Variants in YEATS2 observed in about 807,000 individuals in gnomAD.
YEATS2 encodes the protein YEATS domain-containing protein 2.
A neutral mutation model predicts 163.2 loss-of-function variants in YEATS2; 77 were observed. That is an observed-to-expected ratio of 0.47 (90% CI 0.39 to 0.57). The LOEUF (loss-of-function observed/expected upper bound fraction) is 0.57. YEATS2 is among the 20% of genes least tolerant of loss of function. The pLI is 0.00. For missense variants in YEATS2, 1,549 were observed against 1,729.8 expected, an observed-to-expected ratio of 0.90 and a Z score of 1.85; for synonymous variants, 631 against 645.1, an observed-to-expected ratio of 0.98 and a Z score of 0.33.
At position 183,811,222 on chromosome 3, in the gene YEATS2, T is replaced by C. The variant is rs968914383; in HGVS notation, c.*639T>C. ...ATTACTAGAACCATTGTCAAAGCAG[T>C]GGCAAGGGACGGAGAGGTCCCAACA... On this transcript the variant is annotated 3_prime_UTR_variant, in exon 31 of 31. Coordinates refer to ENST00000305135, the MANE Select transcript of YEATS2 (RefSeq NM_018023.5). The C allele has an allele frequency of 3.3e-5, 5 of 153,104 alleles. No individual in the cohort carries two copies. The highest frequency in any genetic ancestry group is 7.2e-5 in the African/African-American group (3 of 41,580). 9.5% of individuals were successfully genotyped at this position (153,104 alleles called of 1,614,324 possible).
chr3:183,792,579 A>T (rs1024072939), intron 21 of YEATS2, among the ~76,000 whole-genome samples: 1 of 152,096 alleles, frequency 6.6e-6, no homozygotes, highest in African/African-American at 2.4e-5. Context: ...GTGCAGTGGC[A>T]TGATCTCGGC....
chr3:183,805,721 T>G (rs1726123085), intron 27 of YEATS2, among the ~76,000 whole-genome samples: 1 of 151,524 alleles, frequency 6.6e-6, no homozygotes, highest in East Asian at 1.9e-4. Flanking sequence ...CCCAAGAAGT[T>G]GAGGCTGCAG....
At chr3:183,750,832 A>G (rs753453857) in intron 9 of YEATS2, among the ~76,000 whole-genome samples, 3 of 152,194 alleles carry the variant, frequency 2.0e-5, no homozygotes, top group South Asian at 2.1e-4. Flanking sequence ...TTATTCATAT[A>G]TTCTGGATAG....
intron 19 of YEATS2, among the ~76,000 whole-genome samples, chr3:183,778,640 T>G (rs77834251): frequency 0.04 from 6,057 of 151,912 alleles, 312 homozygotes; most frequent in East Asian, 0.14. Flanking sequence ...ACAGGCGTGA[T>G]CCGCTCCTGG....
At chr3:183,795,980 GTTTTTTTTTT>G (rs11287278) in intron 21 of YEATS2, among the ~76,000 whole-genome samples, 1 of 80,436 alleles carries the variant, frequency 1.2e-5, no homozygotes, top group Non-Finnish European at 2.5e-5. Context: ...TTGATGCTGG[GTTTTTTTTTT>G]TTTTTTTTTG....
chr3:183,750,179 C>G (rs1164788264), intron 9 of YEATS2, among the ~76,000 whole-genome samples: 1 of 152,068 alleles, frequency 6.6e-6, no homozygotes, highest in Non-Finnish European at 1.5e-5. Context: ...GGCTTGTCTT[C>G]AACTCCTGGG....
intron 21 of YEATS2, among the ~76,000 whole-genome samples, chr3:183,794,430 G>A (rs1349689258): frequency 6.6e-6 from 1 of 152,204 alleles, no homozygotes; most frequent in Non-Finnish European, 1.5e-5. Flanking sequence ...TTTTCAAAAT[G>A]CAAGAACATT....
At position 183,786,249 on chromosome 3, in the gene YEATS2, C is replaced by T. The variant is rs1000614062; in HGVS notation, c.2861C>T (p.Thr954Ile). The change falls in exon 20 of 31, where the codon ACA (threonine) becomes ATA (isoleucine). Residue 954 changes from threonine to isoleucine, a missense_variant. Coordinates refer to ENST00000305135, the MANE Select transcript of YEATS2 (RefSeq NM_018023.5). ...TMLRVAGGVI[T>I]TATSPAVALS... ...CTGAGAGTAGCAGGAGGGGTTATCA[C>T]AACTGCCACTTCCCCTGCCGTGGCC... is the stretch of plus-strand genomic sequence containing the variant. 88 of 1,613,990 alleles carry T rather than the reference C, an allele frequency of 5.5e-5. No homozygotes were observed. Among genetic ancestry groups the T allele is most frequent in the Non-Finnish European group, 7.4e-5 (87 of 1,180,010 alleles).
chr3:183,712,040 G>A (rs184868030), intron 1 of YEATS2, among the ~76,000 whole-genome samples: 5 of 151,436 alleles, frequency 3.3e-5, no homozygotes, highest in East Asian at 3.9e-4. Flanking sequence ...GGCTGGTCTC[G>A]AACTCCTGAC....
chr3:183,775,327 G>A (rs1306799417), intron 17 of YEATS2, among the ~76,000 whole-genome samples: 2 of 152,248 alleles, frequency 1.3e-5, no homozygotes, highest in Non-Finnish European at 2.9e-5. Flanking sequence ...GCTGGGTGCA[G>A]TGGCTCACAC....
At chr3:183,777,435 C>T (rs1723106294) in intron 18 of YEATS2, 107 bp from the exon 19 acceptor site, 6 of 1,183,942 alleles carry the variant, frequency 5.1e-6, no homozygotes, top group South Asian at 4.6e-5. Flanking sequence ...AAGGGGAGAG[C>T]GTTGTAGCTT....
chr3:183,715,618 CATTTT>C (rs1715771399), intron 2 of YEATS2, among the ~76,000 whole-genome samples: 1 of 152,112 alleles, frequency 6.6e-6, no homozygotes, highest in African/African-American at 2.4e-5. Flanking sequence ...TAATAGGTAA[CATTTT>C]AATGTATATA....
intron 25 of YEATS2, chr3:183,803,031 A>G (rs1725839081): frequency 1.8e-6 from 1 of 556,334 alleles, no homozygotes; most frequent in Non-Finnish European, 3.2e-6. Flanking sequence ...TCTCTACCAA[A>G]GAAGCAAAGT....
intron 7 of YEATS2, among the ~76,000 whole-genome samples, chr3:183,735,306 A>G (rs1160335354): frequency 6.6e-6 from 1 of 152,212 alleles, no homozygotes; most frequent in African/African-American, 2.4e-5. Context: ...CAAGTCCACC[A>G]TGCCTCTAGG....
chr3:183,731,028 G>A (rs141443454), intron 7 of YEATS2, among the ~76,000 whole-genome samples: 115 of 152,196 alleles, frequency 7.6e-4, no homozygotes, highest in African/African-American at 2.7e-3. Context: ...TAGGCTGGGC[G>A]CGGTGGCTCA....
intron 8 of YEATS2, among the ~76,000 whole-genome samples, chr3:183,746,678 GT>G (rs1242270908): frequency 7.0e-6 from 1 of 142,480 alleles, no homozygotes; most frequent in African/African-American, 2.6e-5. Context: ...TTTTTTAGCA[GT>G]CATACTGTTA....
chr3:183,776,093 C>A lies in YEATS2; in HGVS notation c.2547C>A (p.Tyr849Ter). Residue 849 changes from tyrosine to a stop codon, truncating the protein, a stop_gained, in exon 18 of 31, where the codon TAC (tyrosine) becomes TAA (stop). Coordinates refer to ENST00000305135, the MANE Select transcript of YEATS2 (RefSeq NM_018023.5). LOFTEE classifies it high-confidence loss of function. ...GPGGISQHLT[Y>*]TSYILKQTPQ... The stretch of plus-strand genomic sequence containing the variant: ...GAGGGATATCTCAGCACCTGACTTA[C>A]ACATCTTACATCCTCAAGCAAACTC... The A allele has an allele frequency of 6.3e-7, 1 of 1,599,936 alleles. No individual in the cohort carries two copies. Among genetic ancestry groups the A allele is most frequent in the Non-Finnish European group, 8.5e-7 (1 of 1,173,324 alleles).
At chr3:183,702,023 C>G (rs1714146534) in intron 1 of YEATS2, among the ~76,000 whole-genome samples, 1 of 152,228 alleles carries the variant, frequency 6.6e-6, no homozygotes. Context: ...TATTTCACCT[C>G]TACCTTCTCC....
intron 21 of YEATS2, among the ~76,000 whole-genome samples, chr3:183,791,184 T>C (rs1724597781): frequency 6.6e-6 from 1 of 152,100 alleles, no homozygotes; most frequent in South Asian, 2.1e-4. Context: ...CAGGCACATG[T>C]CACCACACCC....
Sources: allele counts gnomAD v4.1 joint callset (sites outside exome capture counted in the v4.1 genomes callset), GRCh38; gene constraint gnomAD v4.1.1; transcripts MANE v1.5; gene names NCBI Gene and HGNC (gene_info 2026-07-23, HGNC 2026-07-21).